Variants in SEC23B observed in about 807,000 individuals in gnomAD.
The protein encoded by SEC23B is protein transport protein Sec23B.
SEC23B carries 77 observed loss-of-function variants against 104.3 expected under a neutral mutation model. The ratio of observed to expected loss-of-function variants is 0.74; its 90% CI spans 0.61 to 0.89. The LOEUF (loss-of-function observed/expected upper bound fraction) is 0.89, where lower values mean the gene tolerates loss of function less well. Among genes scored for constraint, SEC23B ranks in the 40% least tolerant of loss-of-function variants. The pLI, the probability that SEC23B is intolerant of heterozygous loss-of-function variation, is 0.00. For missense variants in SEC23B, 885 were observed against 949.4 expected (o/e 0.93, Z 0.89); for synonymous variants, 338 against 332.5 (o/e 1.02, Z -0.18).
At chr20:18,514,583 C>T (rs2060008641) in intron 3 of SEC23B, among the ~76,000 whole-genome samples, 1 of 152,192 alleles carries the variant, frequency 6.6e-6, no homozygotes, top group Non-Finnish European at 1.5e-5. Context: ...TGCACCTCAA[C>T]TTGTATTTTT....
chr20:18,522,790 G>T (rs889192159), intron 4 of SEC23B, among the ~76,000 whole-genome samples: 6 of 152,148 alleles, frequency 3.9e-5, no homozygotes, highest in African/African-American at 1.2e-4. Context: ...GGGCGTGGTG[G>T]CTCACACACG....
intron 16 of SEC23B, 151 bp from the exon 17 acceptor site, chr20:18,550,938 C>A: frequency 1.5e-6 from 1 of 675,072 alleles, no homozygotes; most frequent in Non-Finnish European, 2.7e-6. Flanking sequence ...GGAAGTATGT[C>A]AGGAAGAAAA....
chr20:18,554,969 ATTC>A lies in SEC23B; in HGVS notation c.2149-137_2149-135del. On this transcript the variant is annotated intron_variant, in intron 18 of 19. Coordinates refer to ENST00000650089, the MANE Select transcript of SEC23B (RefSeq NM_006363.6). ...AAATAGATTACTGTGCAGTAAAACA[ATTC>A]TAATTAGATTACTGTGCAGTAAAAC... The A allele has an allele frequency of 2.3e-4, 16 of 70,040 alleles. 5 individuals carry two copies. Among genetic ancestry groups the A allele is most frequent in the Non-Finnish European group, 6.1e-4 (14 of 22,996 alleles). The allele number at this position is 70,040 out of a possible 1,614,324, so 4.3% of individuals were successfully genotyped here.
chr20:18,529,832 C>G (rs1363224909), intron 9 of SEC23B, among the ~76,000 whole-genome samples: 1 of 152,242 alleles, frequency 6.6e-6, no homozygotes, highest in African/African-American at 2.4e-5. Context: ...TTCAGGCACT[C>G]TGAGATGGCC....
chr20:18,532,479 A>G (rs1426976669), intron 10 of SEC23B, among the ~76,000 whole-genome samples, 185 bp from the exon 11 acceptor site: 1 of 152,240 alleles, frequency 6.6e-6, no homozygotes. Context: ...GGTGGATTTT[A>G]TTAAAGTTCT....
intron 12 of SEC23B, among the ~76,000 whole-genome samples, chr20:18,536,024 A>G (rs941802615): frequency 4.6e-5 from 7 of 152,224 alleles, no homozygotes; most frequent in Admixed American, 6.5e-5. Flanking sequence ...TTTTTAGTGC[A>G]TCGGTTCTTT....
In SEC23B at chr20:18,532,961, C is replaced by T. The variant is rs2295556; in HGVS notation, c.1314+217C>T. Among the ~76,000 whole-genome samples, 57,720 of 152,064 alleles carry T rather than the reference C, an allele frequency of 0.38. 11,472 individuals are homozygous for T. Among genetic ancestry groups the T allele is most frequent in the South Asian group, 0.46 (2,240 of 4,822 alleles). ...AAGGAAACTGAGGCCCAGAAAGGTT[C>T]AGTATCTTGCTCAGGGTCAGAACTG... On this transcript the variant is annotated intron_variant, in intron 11 of 19. Transcript: ENST00000650089.
At position 18,542,296 on chromosome 20, in the gene SEC23B, C is replaced by A. The variant is rs1184148906; in HGVS notation, c.1405C>A (p.His469Asn). Reference protein sequence around the residue: ...LGIYFEVVNQHNTPIPQGGRG... With the variant: ...LGIYFEVVNQNNTPIPQGGRG... Reference sequence around the variant, plus strand: ...AAGGTTATGGCCTCTCATCCTACAGCACAACACCCCGATCCCCCAAGGAGG... The same window carrying A: ...AAGGTTATGGCCTCTCATCCTACAGAACAACACCCCGATCCCCCAAGGAGG... The change falls in exon 13 of 20, where the codon CAC becomes AAC. Residue 469 changes from histidine (H) to asparagine (N), a missense_variant and splice_region_variant. Physicochemically the swap from His to Asn is moderately conservative, Grantham distance 68. Coordinates refer to ENST00000650089, the MANE Select transcript of SEC23B (RefSeq NM_006363.6). 1 of 1,614,030 alleles carries A rather than the reference C, an allele frequency of 6.2e-7. No individual in the cohort carries two copies. Among genetic ancestry groups the A allele is most frequent in the South Asian group, 1.1e-5 (1 of 91,080 alleles).
intron 6 of SEC23B, among the ~76,000 whole-genome samples, chr20:18,525,548 CCAGA>C (rs1417908090): frequency 1.3e-5 from 2 of 152,170 alleles, no homozygotes; most frequent in Non-Finnish European, 2.9e-5. Context: ...TGCTCCTTTT[CCAGA>C]CAATTTTTTT....
chr20:18,524,735 TA>T, intron 5 of SEC23B, 66 bp downstream of exon 5: 1 of 1,383,774 alleles, frequency 7.2e-7, no homozygotes, highest in Non-Finnish European at 1.0e-6. Context: ...GGGGTCTCTT[TA>T]AAAGAGCCTG....
At chr20:18,521,999 C>T (rs2060088138) in intron 4 of SEC23B, among the ~76,000 whole-genome samples, 1 of 152,038 alleles carries the variant, frequency 6.6e-6, no homozygotes, top group Non-Finnish European at 1.5e-5. Context: ...AGTGGTGTGG[C>T]AGAAGAAAAT....
In SEC23B at chr20:18,508,716, C is replaced by CTTTTTT. The variant is rs398035473; in HGVS notation, c.-15+760_-15+765dup. ...AACCATTAGATGGAGGCAGTAGCTT[C>CTTTTTT]TTTTTTTTTTTTTTTTTTTTTGAGA... is the stretch of plus-strand genomic sequence containing the variant. On this transcript the variant is annotated intron_variant, in intron 1 of 19. Coordinates refer to ENST00000650089, the MANE Select transcript of SEC23B (RefSeq NM_006363.6). Among the ~76,000 whole-genome samples, 831 of 97,422 alleles carry CTTTTTT rather than the reference C, an allele frequency of 8.5e-3. 47 individuals carry two copies. The highest frequency in any genetic ancestry group is 0.015 in the African/African-American group (366 of 24,262). The allele number at this position is 97,422 out of a possible 152,430, so 63.9% of individuals were successfully genotyped here. A position where few individuals can be genotyped will look rare whatever the true frequency, so the allele number is the denominator to read the frequency against.
intron 4 of SEC23B, 58 bp downstream of exon 4, chr20:18,515,794 T>C: frequency 9.3e-7 from 1 of 1,074,582 alleles, no homozygotes; most frequent in Non-Finnish European, 1.4e-6. Context: ...TCTCTTGAAA[T>C]CCTTTGTCTT....
intron 14 of SEC23B, among the ~76,000 whole-genome samples, chr20:18,544,797 C>T (rs931046829): frequency 2.6e-5 from 4 of 152,010 alleles, no homozygotes; most frequent in Non-Finnish European, 4.4e-5. Flanking sequence ...AGCATAGTGG[C>T]AGGAGAGATG....
chr20:18,530,387 G>T (rs1016809157), intron 9 of SEC23B, among the ~76,000 whole-genome samples: 10 of 151,950 alleles, frequency 6.6e-5, no homozygotes, highest in African/African-American at 2.4e-4. Context: ...GAGTAGCTGG[G>T]ATTGTGGCTA....
chr20:18,560,502 T>C, intron 19 of SEC23B, 149 bp from the exon 20 acceptor site: 1 of 702,084 alleles, frequency 1.4e-6, no homozygotes, highest in South Asian at 1.5e-5. Context: ...CAAAAGAAGT[T>C]GTTCGTGAGG....
At chr20:18,521,777 C>A (rs1181264927) in intron 4 of SEC23B, among the ~76,000 whole-genome samples, 1 of 152,080 alleles carries the variant, frequency 6.6e-6, no homozygotes, top group African/African-American at 2.4e-5. Context: ...ACTGAAGGAA[C>A]AGACAGGAGA....
At chr20:18,517,444 G>C (rs1278237471) in intron 4 of SEC23B, among the ~76,000 whole-genome samples, 1 of 152,206 alleles carries the variant, frequency 6.6e-6, no homozygotes, top group African/African-American at 2.4e-5. Context: ...CATCAGTTAA[G>C]GCTATTTTCA....
rs56946062 is a variant in SEC23B, at chr20:18,550,826, TA to T, written c.1906-251del. 0.68 allele frequency among the ~76,000 whole-genome samples: 101,291 copies of T among 148,432 alleles called. 35,666 individuals carry two copies. Among genetic ancestry groups the T allele is most frequent in the Non-Finnish European group, 0.8 (53,351 of 67,106 alleles). On this transcript the variant is annotated intron_variant, in intron 16 of 19. Transcript: ENST00000650089. ...GGTAACAGAGCAACACCCTGACTCT[TA>T]AAAAAAAAAAAGGTATCATTAATCT...
Sources: gnomAD v4.1 joint callset for allele counts (sites outside exome capture counted in the v4.1 genomes callset) on GRCh38, gnomAD v4.1.1 for gene constraint, MANE v1.5 for transcripts, NCBI Gene and HGNC (gene_info 2026-07-23, HGNC 2026-07-21) for gene names.